The following EGLN3 variants were observed in gnomAD, a reference collection of about 807,000 sequenced individuals.
EGLN3 encodes the protein prolyl hydroxylase EGLN3.
EGLN3 carries 15 observed loss-of-function variants against 26.0 expected under a neutral mutation model. The ratio of observed to expected loss-of-function variants is 0.58; its 90% CI spans 0.39 to 0.89. The LOEUF is 0.89. EGLN3 is among the 40% of genes least tolerant of loss of function. The pLI, the probability that EGLN3 is intolerant of heterozygous loss-of-function variation, is 0.00. For missense variants in EGLN3, 238 were observed against 311.6 expected, an observed-to-expected ratio of 0.76 and a Z score of 1.78; for synonymous variants, 147 against 127.2, an observed-to-expected ratio of 1.16 and a Z score of -1.05.
intron 2 of EGLN3, among the ~76,000 whole-genome samples, chr14:33,930,645 C>T (rs1013764899): frequency 2.0e-5 from 3 of 152,126 alleles, no homozygotes; most frequent in Non-Finnish European, 4.4e-5. Context: ...ATGAGACATA[C>T]CACCCCGAGG....
chr14:33,928,803 A>G (rs1162483376), intron 3 of EGLN3, among the ~76,000 whole-genome samples: 1 of 152,206 alleles, frequency 6.6e-6, no homozygotes, highest in Non-Finnish European at 1.5e-5. Flanking sequence ...GGAGGAAAGG[A>G]GAGAAGAGAA....
intron 3 of EGLN3, among the ~76,000 whole-genome samples, chr14:33,928,339 C>T (rs2064377003): frequency 6.6e-6 from 1 of 152,088 alleles, no homozygotes; most frequent in African/African-American, 2.4e-5. Context: ...TCCTCCTGCC[C>T]CTGAATGCTA....
chr14:33,939,490 G>T lies in EGLN3; in HGVS notation c.358-8275C>A, dbSNP rs959749846. Reference sequence around the variant, plus strand: ...CGCCCAAAGTGCTGGGATTGCAGGCGTGAGCCACCGCGCCCGGCCGAAACA... The same window carrying T: ...CGCCCAAAGTGCTGGGATTGCAGGCTTGAGCCACCGCGCCCGGCCGAAACA... On this transcript the variant is annotated intron_variant, in intron 1 of 4. Coordinates refer to ENST00000250457, the MANE Select transcript of EGLN3 (RefSeq NM_022073.4). 1.0e-4 allele frequency among the ~76,000 whole-genome samples: 15 copies of T among 148,494 alleles called. No homozygotes were observed. The Admixed American group carries it at 1.0e-3, about 10-fold the overall frequency.
At chr14:33,944,739 C>CT (rs1392195939) in intron 1 of EGLN3, among the ~76,000 whole-genome samples, 2 of 152,228 alleles carry the variant, frequency 1.3e-5, no homozygotes, top group East Asian at 1.9e-4. Flanking sequence ...ACACTCAACT[C>CT]TCAGCTTAGT....
At position 33,950,936 on chromosome 14, in the gene EGLN3, G is replaced by A. The variant is rs1341969756; in HGVS notation, c.-184C>T. 2 of 630,526 alleles carry A rather than the reference G, an allele frequency of 3.2e-6. No homozygotes were observed. Among genetic ancestry groups the A allele is most frequent in the African/African-American group, 3.7e-5 (2 of 54,698 alleles). The allele number at this position is 630,526 out of a possible 1,614,324, so 39.1% of individuals were successfully genotyped here. ...GTTTCTCGCAACTCTCGGGAGAAGG[G>A]ATCTGCCTTCGGGAACCAGCGGGAG... On this transcript the variant is annotated 5_prime_UTR_variant, in exon 1 of 5. Coordinates refer to ENST00000250457, the MANE Select transcript of EGLN3 (RefSeq NM_022073.4).
chr14:33,949,044 C>T (rs1243286129), intron 1 of EGLN3: 1 of 152,240 alleles, frequency 6.6e-6, no homozygotes, highest in Admixed American at 6.5e-5. Context: ...CAGAGTTCAG[C>T]TCACGCGGAA....
chr14:33,929,478 G>A (rs886331525), intron 2 of EGLN3, among the ~76,000 whole-genome samples: 4 of 152,100 alleles, frequency 2.6e-5, no homozygotes, highest in Admixed American at 1.3e-4. Context: ...TCAGCCTCCC[G>A]AGTAGCTGGG....
Position 33,925,555 on chromosome 14 carries a change from A to G in EGLN3, c.*336T>C. The stretch of plus-strand genomic sequence containing the variant: ...CCTCCTTTCAAATCAGGAAGTATAC[A>G]TAAAGTGCAAGTAAGGTTCATTCCC... On this transcript the variant is annotated 3_prime_UTR_variant, in exon 5 of 5. Transcript: ENST00000250457. 4.4e-6 allele frequency: 1 copy of G among 224,934 alleles called. No homozygotes were observed. Among genetic ancestry groups the G allele is most frequent in the Non-Finnish European group, 8.8e-6 (1 of 113,942 alleles). 13.9% of individuals were successfully genotyped at this position (224,934 alleles called of 1,614,324 possible). A position where few individuals can be genotyped will look rare whatever the true frequency, so the allele number is the denominator to read the frequency against.
chr14:33,941,574 CT>C (rs561107647), intron 1 of EGLN3, among the ~76,000 whole-genome samples: 2 of 145,400 alleles, frequency 1.4e-5, no homozygotes, highest in African/African-American at 5.0e-5. Context: ...AAAATTCTAG[CT>C]TTTTTTTTAA....
intron 1 of EGLN3, among the ~76,000 whole-genome samples, chr14:33,938,055 A>G (rs2064454808): frequency 6.6e-6 from 1 of 152,216 alleles, no homozygotes; most frequent in Non-Finnish European, 1.5e-5. Flanking sequence ...TGGGTCAGTG[A>G]TGATAGTTCT....
chr14:33,931,241 G>T, intron 1 of EGLN3, 26 bp from the exon 2 acceptor site: 1 of 1,614,016 alleles, frequency 6.2e-7, no homozygotes, highest in South Asian at 1.1e-5. Context: ...AAGAAAGCTG[G>T]TTAACAAAGC....
rs114038071 is a variant in EGLN3, at chr14:33,937,303, G to C, written c.358-6088C>G. ...CTAGACGGGCATGAAGAAAATAGTT[G>C]TAAGCAAACGTGAGCTCTTAGAAAA... On this transcript the variant is annotated intron_variant, in intron 1 of 4. Transcript: ENST00000250457. Among the ~76,000 whole-genome samples the C allele has an allele frequency of 1.6e-3, 245 of 152,320 alleles. 1 individual carries two copies. Among genetic ancestry groups the C allele is most frequent in the African/African-American group, 5.6e-3 (233 of 41,580 alleles).
chr14:33,940,349 A>G (rs2064473598), intron 1 of EGLN3, among the ~76,000 whole-genome samples: 1 of 152,210 alleles, frequency 6.6e-6, no homozygotes, highest in African/African-American at 2.4e-5. Context: ...GGTACAAATA[A>G]TAGGCTATAA....
intron 1 of EGLN3, among the ~76,000 whole-genome samples, chr14:33,938,253 C>T (rs1401044274): frequency 1.3e-5 from 2 of 152,230 alleles, no homozygotes; most frequent in Non-Finnish European, 2.9e-5. Context: ...CGCCCTCCCC[C>T]AAGAAGCCAC....
intron 1 of EGLN3, among the ~76,000 whole-genome samples, chr14:33,939,827 T>C (rs1464357214): frequency 6.6e-6 from 1 of 152,238 alleles, no homozygotes; most frequent in Non-Finnish European, 1.5e-5. Context: ...CCAGTTGGTC[T>C]GGCTGAAGAG....
At position 33,936,092 on chromosome 14, in the gene EGLN3, A is replaced by T. The variant is rs7156782; in HGVS notation, c.358-4877T>A. Among the ~76,000 whole-genome samples, 932 of 152,198 alleles carry T rather than the reference A, an allele frequency of 6.1e-3. 10 individuals carry two copies. Among genetic ancestry groups the T allele is most frequent in the African/African-American group, 0.021 (883 of 41,534 alleles). ...CTAAAAATACAAAAATTAGTTGGGC[A>T]TGGTGGCGCACGCCTGTAATCCCAG... On this transcript the variant is annotated intron_variant, in intron 1 of 4. Transcript: ENST00000250457.
chr14:33,931,040 G>C (rs2064399363), intron 2 of EGLN3, 56 bp downstream of exon 2: 1 of 1,604,578 alleles, frequency 6.2e-7, no homozygotes. Flanking sequence ...TAAGTTATCT[G>C]AATCATTTTC....
At chr14:33,934,452 G>C (rs761701571) in intron 1 of EGLN3, among the ~76,000 whole-genome samples, 61 of 130,496 alleles carry the variant, frequency 4.7e-4, no homozygotes, top group Non-Finnish European at 8.4e-4. Flanking sequence ...AGAGTTACCA[G>C]TGAGCTGACT....
At chr14:33,931,518 A>G (rs1680703) in intron 1 of EGLN3, among the ~76,000 whole-genome samples, 137,198 of 152,282 alleles carry the variant, frequency 0.9, 62,567 homozygotes, top group Non-Finnish European at 0.97. Flanking sequence ...ACCTGTTTGT[A>G]TGCCCTGCCT....
Sources: allele counts gnomAD v4.1 joint callset (sites outside exome capture counted in the v4.1 genomes callset), GRCh38; gene constraint gnomAD v4.1.1; transcripts MANE v1.5; gene names NCBI Gene and HGNC (gene_info 2026-07-23, HGNC 2026-07-21).